Variants in CRY1 observed in about 807,000 individuals in gnomAD.
CRY1 encodes the protein cryptochrome-1.
CRY1 carries 45 observed loss-of-function variants against 76.0 expected under a neutral mutation model. The ratio of observed to expected loss-of-function variants is 0.59; its 90% CI spans 0.47 to 0.76. CRY1 has a LOEUF of 0.76. Ranked by LOEUF, CRY1 falls within the 30% of genes least tolerant of loss-of-function variation. CRY1 has a pLI of 0.00. For synonymous variants in CRY1, 248 were observed against 244.0 expected (o/e 1.02, Z -0.15); for missense variants, 587 against 716.4 (o/e 0.82, Z 2.06).
intron 1 of CRY1, among the ~76,000 whole-genome samples, chr12:107,089,919 C>G (rs563483779): frequency 6.6e-6 from 1 of 152,122 alleles, no homozygotes; most frequent in African/African-American, 2.4e-5. Flanking sequence ...ATGAGTGATT[C>G]CAAAAAGACT....
At chr12:107,073,392 C>T (rs1953215488) in intron 1 of CRY1, among the ~76,000 whole-genome samples, 1 of 151,948 alleles carries the variant, frequency 6.6e-6, no homozygotes, top group African/African-American at 2.4e-5. Flanking sequence ...AGCCACTGTG[C>T]CTGGCCTAAA....
chr12:107,052,264 T>TA (rs1952932251), intron 1 of CRY1, among the ~76,000 whole-genome samples: 1 of 152,150 alleles, frequency 6.6e-6, no homozygotes, highest in Non-Finnish European at 1.5e-5. Flanking sequence ...TAGAGAATTC[T>TA]AAAAAATCTA....
At chr12:107,063,995 T>C (rs1953081293) in intron 1 of CRY1, among the ~76,000 whole-genome samples, 1 of 152,188 alleles carries the variant, frequency 6.6e-6, no homozygotes, top group South Asian at 2.1e-4. Context: ...TGGATATTAC[T>C]TCTTTGATAG....
At chr12:107,023,360 GCC>G (rs1472354011) in intron 1 of CRY1, among the ~76,000 whole-genome samples, 1 of 152,126 alleles carries the variant, frequency 6.6e-6, no homozygotes, top group Non-Finnish European at 1.5e-5. Flanking sequence ...AGTCACACTT[GCC>G]ACATTTCAAG....
intron 1 of CRY1, among the ~76,000 whole-genome samples, chr12:107,076,386 A>G (rs1953252405): frequency 6.6e-6 from 1 of 152,008 alleles, no homozygotes; most frequent in Admixed American, 6.6e-5. Context: ...TGAGGCAGGC[A>G]GATTGCTTGA....
At chr12:107,090,078 TTTC>T (rs1419932644) in intron 1 of CRY1, among the ~76,000 whole-genome samples, 3 of 151,742 alleles carry the variant, frequency 2.0e-5, no homozygotes, top group African/African-American at 4.9e-5. Flanking sequence ...ATTTTCCTTC[TTTC>T]TTTTTTTTCT....
At chr12:107,023,296 A>C (rs567358558) in intron 1 of CRY1, among the ~76,000 whole-genome samples, 1 of 152,340 alleles carries the variant, frequency 6.6e-6, no homozygotes, top group Non-Finnish European at 1.5e-5. Context: ...GGTAACCAAA[A>C]GGCACATGTA....
chr12:107,007,595 T>TC (rs1307775566), intron 2 of CRY1, among the ~76,000 whole-genome samples: 1 of 151,416 alleles, frequency 6.6e-6, no homozygotes, highest in Non-Finnish European at 1.5e-5. Context: ...AATGGTGCAA[T>TC]CATAGCTCAT....
At chr12:107,023,923 A>G (rs1476023348) in intron 1 of CRY1, among the ~76,000 whole-genome samples, 1 of 152,240 alleles carries the variant, frequency 6.6e-6, no homozygotes, top group Non-Finnish European at 1.5e-5. Context: ...ATCTCCAACT[A>G]TGAATAATTT....
chr12:107,061,440 C>T (rs1471841976), intron 1 of CRY1, among the ~76,000 whole-genome samples: 3 of 151,400 alleles, frequency 2.0e-5, no homozygotes, highest in African/African-American at 7.3e-5. Flanking sequence ...AGTTCAGTGG[C>T]GTGATCTTAG....
chr12:107,062,241 T>G (rs1446956438), intron 1 of CRY1, among the ~76,000 whole-genome samples: 1 of 152,094 alleles, frequency 6.6e-6, no homozygotes, highest in Non-Finnish European at 1.5e-5. Context: ...GTTTTTATAA[T>G]ATACTTCAGA....
chr12:107,070,867 ATT>A (rs59675852), intron 1 of CRY1, among the ~76,000 whole-genome samples: 92,141 of 135,062 alleles, frequency 0.68, 32,309 homozygotes, highest in East Asian at 0.96. Flanking sequence ...TGCCTGGCTA[ATT>A]TTTTTTTTTT....
At chr12:106,996,385 G>A (rs2136818364) in intron 10 of CRY1, among the ~76,000 whole-genome samples, 1 of 152,274 alleles carries the variant, frequency 6.6e-6, no homozygotes, top group African/African-American at 2.4e-5. Flanking sequence ...CTGGCATTTA[G>A]GTTGATTCCA....
intron 3 of CRY1, among the ~76,000 whole-genome samples, chr12:107,003,958 A>G (rs912047176): frequency 3.9e-5 from 6 of 152,010 alleles, no homozygotes; most frequent in African/African-American, 1.4e-4. Context: ...GGCACCCGCC[A>G]CTATGCCTGG....
At chr12:107,025,109 G>T (rs1952593652) in intron 1 of CRY1, among the ~76,000 whole-genome samples, 1 of 152,072 alleles carries the variant, frequency 6.6e-6, no homozygotes, top group Non-Finnish European at 1.5e-5. Flanking sequence ...GAAAATAATT[G>T]GAAAAATACT....
At chr12:107,067,487 T>G (rs1276864728) in intron 1 of CRY1, among the ~76,000 whole-genome samples, 6 of 152,190 alleles carry the variant, frequency 3.9e-5, no homozygotes, top group Non-Finnish European at 7.3e-5. Context: ...ACAACTTTTA[T>G]GATTATCTAA....
At chr12:107,057,425 C>T (rs181893267) in intron 1 of CRY1, among the ~76,000 whole-genome samples, 7 of 152,288 alleles carry the variant, frequency 4.6e-5, no homozygotes, top group African/African-American at 9.6e-5. Flanking sequence ...ATGAGTAAAA[C>T]GAGCGGAATC....
chr12:107,037,502 A>G (rs1593518034), intron 1 of CRY1, among the ~76,000 whole-genome samples: 2 of 152,146 alleles, frequency 1.3e-5, no homozygotes, highest in East Asian at 1.9e-4. Flanking sequence ...ATTGCACTCC[A>G]GTGTGGGCAG....
chr12:107,074,651 T>C (rs1953228468), intron 1 of CRY1, among the ~76,000 whole-genome samples: 1 of 152,214 alleles, frequency 6.6e-6, no homozygotes, highest in Non-Finnish European at 1.5e-5. Context: ...ATTATTTTGG[T>C]ATTACCATCA....
Sources: gnomAD v4.1 joint callset for allele counts (sites outside exome capture counted in the v4.1 genomes callset) on GRCh38, gnomAD v4.1.1 for gene constraint, MANE v1.5 for transcripts, NCBI Gene and HGNC (gene_info 2026-07-23, HGNC 2026-07-21) for gene names.